Variants in MUC22 observed in about 807,000 individuals in gnomAD.
The protein encoded by MUC22 is mucin 22.
A neutral mutation model predicts 40.3 loss-of-function variants in MUC22; 24 were observed. That is an observed-to-expected ratio of 0.60 (90% confidence interval 0.43 to 0.84). The LOEUF (loss-of-function observed/expected upper bound fraction) is 0.84. MUC22 is among the 40% of genes least tolerant of loss of function. The pLI is 0.00. For missense variants in MUC22, 1,926 were observed against 2,130.7 expected, an observed-to-expected ratio of 0.90 and a Z score of 1.89; for synonymous variants, 765 against 844.5, an observed-to-expected ratio of 0.91 and a Z score of 1.63.
chr6:31,029,321 C>G, exon 2 of MUC22: 1 of 1,528,786 alleles, frequency 6.5e-7, no homozygotes, highest in Admixed American at 2.0e-5. Context: ...GAGACCACAG[C>G]AGTCTATACC....
exon 2 of MUC22, chr6:31,025,773 C>T: frequency 1.3e-6 from 2 of 1,532,666 alleles, no homozygotes; most frequent in Non-Finnish European, 1.7e-6. Flanking sequence ...TCACCACAGG[C>T]TCTGACACAA....
At position 31,012,933 on chromosome 6, in the gene MUC22, A is replaced by G. The variant is rs925269829; in HGVS notation, c.70+2157A>G. 1.2e-4 allele frequency among the ~76,000 whole-genome samples: 19 copies of G among 152,166 alleles called. 1 individual carries two copies. The South Asian group carries it at 1.7e-3, about 13-fold the overall frequency. On this transcript the variant is annotated intron_variant, in intron 1 of 3. Coordinates refer to ENST00000561890, the Ensembl canonical transcript of MUC22. ...ACAAGTATCATCCAAGGAGACGATT[A>G]AAAACTTGGGTTTCCAGGCCCTGAC...
Position 31,026,035 on chromosome 6 carries a change from A to G in MUC22, c.604A>G (p.Ser202Gly), listed in dbSNP as rs141730906. The G allele has an allele frequency of 1.4e-4, 208 of 1,522,636 alleles. 1 individual carries two copies. In the East Asian group the frequency reaches 3.9e-3, roughly 29 times the overall value. The allele number at this position is 1,522,636 out of a possible 1,614,324, so 94.3% of individuals were successfully genotyped here. The change falls in exon 2 of 4, where the codon AGC (serine) becomes GGC (glycine). Residue 202 changes from serine (S) to glycine (G), a missense_variant. Transcript: ENST00000561890. ...TGAGACCACCACCACCTCCACTGCA[A>G]GCTCTGAGGCCACTAAAGTCTCTAC...
intron 1 of MUC22, 115 bp downstream of exon 1, chr6:31,010,891 ATTTTTTTTT>A: frequency 1.8e-6 from 1 of 548,058 alleles, no homozygotes; most frequent in South Asian, 2.2e-5. Context: ...ATGATGATTC[ATTTTTTTTT>A]TTTTTTTTTT....
intron 2 of MUC22, among the ~76,000 whole-genome samples, chr6:31,031,252 C>T (rs987190008): frequency 7.2e-5 from 11 of 152,166 alleles, no homozygotes; most frequent in African/African-American, 2.7e-4. Flanking sequence ...TCTCCTATCC[C>T]TGTGAGCAGC....
upstream of MUC22, among the ~76,000 whole-genome samples, chr6:31,006,728 A>G (rs17196269): frequency 1.9e-3 from 297 of 152,360 alleles, 2 homozygotes; most frequent in Admixed American, 3.6e-3. Flanking sequence ...GGTATTTAAT[A>G]TGATATATGG....
At chr6:31,020,441 CTTT>C (rs3084519) in intron 1 of MUC22, among the ~76,000 whole-genome samples, 15,644 of 126,568 alleles carry the variant, frequency 0.12, 1,007 homozygotes, top group African/African-American at 0.17. Context: ...TGGAAATTGA[CTTT>C]TTTTTTTTTT....
chr6:31,027,535 G>T, exon 2 of MUC22: 1 of 1,529,396 alleles, frequency 6.5e-7, no homozygotes, highest in Non-Finnish European at 8.7e-7. Context: ...CTCTACTTCA[G>T]ACTCTGAGAC....
Position 31,026,981 on chromosome 6 carries a change from C to T in MUC22, c.1550C>T (p.Thr517Ile). 3 of 1,494,198 alleles carry T rather than the reference C, an allele frequency of 2.0e-6. 1 individual carries two copies. Among genetic ancestry groups the T allele is most frequent in the Non-Finnish European group, 2.7e-6 (3 of 1,119,236 alleles). 92.6% of individuals were successfully genotyped at this position (1,494,198 alleles called of 1,614,324 possible). ...TCTACTGAAGATTCTGAAACCAACA[C>T]AGCATTTACTGAAGATTCTAAGACT... The change falls in exon 2 of 4, where the codon ACA (threonine) becomes ATA (isoleucine). Residue 517 changes from threonine to isoleucine, a missense_variant. Coordinates refer to ENST00000561890, the Ensembl canonical transcript of MUC22.
intron 2 of MUC22, 150 bp downstream of exon 2, chr6:31,030,250 G>T: frequency 1.1e-6 from 1 of 917,920 alleles, no homozygotes; most frequent in East Asian, 2.7e-5. Flanking sequence ...GGGCGCGGTG[G>T]CTCATGCCTG....
exon 2 of MUC22, chr6:31,027,548 C>T (rs1765526686): frequency 2.0e-6 from 3 of 1,528,616 alleles, no homozygotes; most frequent in East Asian, 2.5e-5. Context: ...TCTGAGACCA[C>T]CACAGCTTCT....
At chr6:31,012,006 A>G (rs1763894249) in intron 1 of MUC22, among the ~76,000 whole-genome samples, 1 of 152,208 alleles carries the variant, frequency 6.6e-6, no homozygotes, top group African/African-American at 2.4e-5. Flanking sequence ...GTGAAAGGAA[A>G]CAGCCCAGGG....
intron 1 of MUC22, among the ~76,000 whole-genome samples, chr6:31,021,049 C>T (rs1436847660): frequency 6.6e-6 from 1 of 152,216 alleles, no homozygotes; most frequent in Non-Finnish European, 1.5e-5. Flanking sequence ...CCGATGAGCG[C>T]CGCCCCCTGC....
Position 31,027,273 on chromosome 6 carries a change from G to T in MUC22, c.1842G>T (p.Glu614Asp), listed in dbSNP as rs1271006554. Residue 614 changes from glutamate to aspartate, a missense_variant, in exon 2 of 4, where the codon GAG becomes GAT. By Grantham distance (45) the Glu-to-Asp change is conservative. Coordinates refer to ENST00000561890, the Ensembl canonical transcript of MUC22. ...CCACAGCCTCCATCATGGGCTCTGA[G>T]ACCAGCACAGATTCTACCACAGGCT... The T allele has an allele frequency of 2.0e-6, 3 of 1,510,548 alleles. 1 individual carries two copies. The highest frequency in any genetic ancestry group is 2.7e-6 in the Non-Finnish European group (3 of 1,129,054). 93.6% of individuals were successfully genotyped at this position (1,510,548 alleles called of 1,614,324 possible).
In MUC22 at chr6:31,032,452, T is replaced by G. The variant is rs1228132306; in HGVS notation, c.4926T>G (p.Val1642=). ...CGGTGTCCATGGGCACAAACACAGT[T>G]AGCATGAGCCACACACCCACAAACG... Residue 1642 remains valine (V), a synonymous_variant, in exon 3 of 4, where the codon GTT becomes GTG. Transcript: ENST00000561890. This position sits in a 1 kb window ranked among gnomAD's most constrained non-coding sequence, Gnocchi z 4.1. 6.5e-7 allele frequency: 1 copy of G among 1,535,652 alleles called. No homozygotes were observed. Among genetic ancestry groups the G allele is most frequent in the Admixed American group, 2.0e-5 (1 of 50,988 alleles).
At chr6:31,017,859 A>G (rs555312363) in intron 1 of MUC22, among the ~76,000 whole-genome samples, 1 of 152,352 alleles carries the variant, frequency 6.6e-6, no homozygotes, top group South Asian at 2.1e-4. Context: ...GTACTCTTCT[A>G]TAGTGTGGAA....
chr6:31,015,780 G>A (rs1421606869), intron 1 of MUC22, among the ~76,000 whole-genome samples: 1 of 152,126 alleles, frequency 6.6e-6, no homozygotes, highest in African/African-American at 2.4e-5. Flanking sequence ...TCATGATATG[G>A]TGTCATAGTA....
At position 31,032,202 on chromosome 6, in the gene MUC22, G is replaced by A. The variant is rs1362638629; in HGVS notation, c.4676G>A (p.Arg1559Lys). The A allele has an allele frequency of 2.6e-6, 4 of 1,533,474 alleles. No individual in the cohort carries two copies. In the Admixed American group the frequency reaches 7.9e-5, roughly 30 times the overall value. 95.0% of individuals were successfully genotyped at this position (1,533,474 alleles called of 1,614,324 possible). Residue 1559 changes from arginine (R) to lysine (K), a missense_variant, in exon 3 of 4, where the codon AGA becomes AAA. Coordinates refer to ENST00000561890, the Ensembl canonical transcript of MUC22. This position sits in a 1 kb window ranked among gnomAD's most constrained non-coding sequence, Gnocchi z 4.1. ...TGTGTGACCTGTTTCATAGGCACCAGAACCACTGGAACCAGACTCACTGCC... is the reference window on the plus strand; with the variant it reads ...TGTGTGACCTGTTTCATAGGCACCAAAACCACTGGAACCAGACTCACTGCC...
At chr6:31,030,542 T>C (rs1562621582) in intron 2 of MUC22, among the ~76,000 whole-genome samples, 1 of 147,900 alleles carries the variant, frequency 6.8e-6, no homozygotes, top group African/African-American at 2.5e-5. Flanking sequence ...AATGTCCTCT[T>C]CTGGAATCCT....
Sources: allele counts gnomAD v4.1 joint callset (sites outside exome capture counted in the v4.1 genomes callset), GRCh38; gene constraint gnomAD v4.1.1; non-coding constraint Gnocchi (gnomAD v3.1); transcripts MANE v1.5; gene names NCBI Gene and HGNC (gene_info 2026-07-23, HGNC 2026-07-21).